The following GPM6B variants were observed in gnomAD, a reference collection of about 807,000 sequenced individuals.
The protein encoded by GPM6B is neuronal membrane glycoprotein M6-b.
In GPM6B, 4 loss-of-function variants were observed where a neutral mutation model predicts 27.2. That is an observed-to-expected ratio of 0.15 (90% CI 0.07 to 0.34). The LOEUF (loss-of-function observed/expected upper bound fraction) is 0.34. Ranked by LOEUF, GPM6B falls within the 10% of genes least tolerant of loss-of-function variation. GPM6B has a pLI of 1.00. For synonymous variants in GPM6B, 124 were observed against 103.1 expected (o/e 1.20, Z -1.23); for missense variants, 183 against 261.9 (o/e 0.70, Z 2.08).
intron 1 of GPM6B, among the ~76,000 whole-genome samples, chrX:13,814,638 T>C (rs952669952): frequency 5.3e-5 from 6 of 112,474 alleles, no homozygotes; most frequent in African/African-American, 9.7e-5. Context: ...TTTTATCCTA[T>C]GTGTACCTTA....
At chrX:13,936,084 G>A (rs1027161142) in intron 1 of GPM6B, among the ~76,000 whole-genome samples, 1 of 111,555 alleles carries the variant, frequency 9.0e-6, no homozygotes, top group Non-Finnish European at 1.9e-5. Flanking sequence ...ATTTCTTTTT[G>A]GGGTTGATGA....
intron 1 of GPM6B, among the ~76,000 whole-genome samples, chrX:13,853,013 G>T (rs2049737554): frequency 9.0e-6 from 1 of 110,525 alleles, no homozygotes; most frequent in Non-Finnish European, 1.9e-5. Flanking sequence ...TCCAGAAGTG[G>T]GAATCCTGGA....
intron 1 of GPM6B, among the ~76,000 whole-genome samples, chrX:13,824,069 T>A (rs1302780659): frequency 8.9e-6 from 1 of 112,048 alleles, no homozygotes; most frequent in East Asian, 2.8e-4. Context: ...TCAGGATTGC[T>A]CCACCTTGGC....
At chrX:13,864,694 G>A (rs1214052216) in intron 1 of GPM6B, among the ~76,000 whole-genome samples, 1 of 111,939 alleles carries the variant, frequency 8.9e-6, no homozygotes, top group Admixed American at 9.4e-5. Context: ...TGGCTTATGG[G>A]CATCACCCTT....
rs1422520504 is a variant in GPM6B at position 13,926,635 on chromosome X, C to G, written c.-198+11692G>C. Among the ~76,000 whole-genome samples, 4 of 111,390 alleles carry G rather than the reference C, an allele frequency of 3.6e-5. No individual in the cohort carries two copies. The East Asian group carries it at 1.1e-3, about 31-fold the overall frequency. ...TACTCACACATATAGTAAGGAAGTA[C>G]AGATATAGATATTATCGGGAGGAAA... On this transcript the variant is annotated intron_variant, in intron 1 of 6. Coordinates refer to the GPM6B transcript ENST00000398361.
intron 1 of GPM6B, among the ~76,000 whole-genome samples, chrX:13,916,463 A>G (rs767803263): frequency 9.9e-5 from 11 of 111,145 alleles, no homozygotes; most frequent in African/African-American, 3.6e-4. Context: ...CTCAAATTTG[A>G]AGTGCGTTGG....
chrX:13,824,690 G>A (rs1315371965), intron 1 of GPM6B, among the ~76,000 whole-genome samples: 2 of 111,860 alleles, frequency 1.8e-5, no homozygotes, highest in African/African-American at 6.5e-5. Flanking sequence ...GGGTATTAAG[G>A]CAAGAGGGAG....
At position 13,785,627 on chromosome X, in the gene GPM6B, G is replaced by A. The variant is rs758450907; in HGVS notation, c.363C>T (p.Ser121=). 1.1e-5 allele frequency: 13 copies of A among 1,210,113 alleles called. No individual in the cohort carries two copies. Among genetic ancestry groups the A allele is most frequent in the Admixed American group, 2.2e-5 (1 of 45,986 alleles). Residue 121 remains serine, a synonymous_variant, in exon 3 of 8, where the codon AGC becomes AGT. Coordinates refer to ENST00000316715, the MANE Select transcript of GPM6B (RefSeq NM_001001995.3). The part of the protein sequence containing the change: ...STNASDHALL[S]EVIQLMQYVI... ...AAAGGGAACCGGATACTTACACCTC[G>A]CTCAGCAAGGCATGGTCACTGGCGT...
At position 13,812,044 on chromosome X, in the gene GPM6B, C is replaced by CTTTTTTTTTTT. The variant is rs752162419; in HGVS notation, c.62-4276_62-4275insAAAAAAAAAAA. Among the ~76,000 whole-genome samples, 113 of 82,619 alleles carry CTTTTTTTTTTT rather than the reference C, an allele frequency of 1.4e-3. 4 individuals carry two copies. The highest frequency in any genetic ancestry group is 3.0e-3 in the East Asian group (7 of 2,316). 71.7% of individuals were successfully genotyped at this position (82,619 alleles called of 115,157 possible). ...TTTCAAAGGAGAACACTTTTCTTTT[C>CTTTTTTTTTTT]TTTCTTTTTTTTTTTTTTTTTTTGA... On this transcript the variant is annotated intron_variant, in intron 1 of 7. Transcript: ENST00000316715.
chrX:13,890,406 T>G (rs2050177875), intron 1 of GPM6B, among the ~76,000 whole-genome samples: 1 of 111,993 alleles, frequency 8.9e-6, no homozygotes, highest in Non-Finnish European at 1.9e-5. Flanking sequence ...TTCACTTTCT[T>G]AATAAACTTG....
intron 1 of GPM6B, among the ~76,000 whole-genome samples, chrX:13,924,392 T>G (rs908243370): frequency 9.0e-6 from 1 of 111,404 alleles, no homozygotes; most frequent in Non-Finnish European, 1.9e-5. Context: ...CTTGATCTAC[T>G]AGGCTCAAGC....
At chrX:13,797,224 GC>G (rs1430705410) in intron 2 of GPM6B, among the ~76,000 whole-genome samples, 1 of 111,584 alleles carries the variant, frequency 9.0e-6, no homozygotes, top group Non-Finnish European at 1.9e-5. Context: ...TGCCCTCCTG[GC>G]TTTGATCCTT....
intron 1 of GPM6B, among the ~76,000 whole-genome samples, chrX:13,838,608 C>G (rs1013274077): frequency 8.9e-6 from 1 of 111,748 alleles, no homozygotes; most frequent in African/African-American, 3.3e-5. Flanking sequence ...TTCAGAGTGT[C>G]AGAGCTCTCC....
At chrX:13,869,616 T>C (rs1425764380) in intron 1 of GPM6B, among the ~76,000 whole-genome samples, 1 of 111,802 alleles carries the variant, frequency 8.9e-6, no homozygotes, top group Non-Finnish European at 1.9e-5. Flanking sequence ...TGGACTTCTT[T>C]ACTCTCCTTC....
intron 1 of GPM6B, among the ~76,000 whole-genome samples, chrX:13,913,372 C>T (rs2050397222): frequency 9.2e-6 from 1 of 109,252 alleles, no homozygotes; most frequent in African/African-American, 3.3e-5. Context: ...CCAGGCTGGT[C>T]GAACTCCTGG....
At chrX:13,773,310 C>CTTT in intron 7 of GPM6B, 2 of 137,889 alleles carry the variant, frequency 1.5e-5, no homozygotes. Flanking sequence ...CGAGAGGGTG[C>CTTT]TTTTTTTTTT....
At chrX:13,828,177 C>A (rs745995683) in intron 1 of GPM6B, among the ~76,000 whole-genome samples, 14 of 111,823 alleles carry the variant, frequency 1.3e-4, no homozygotes, top group African/African-American at 3.6e-4. Flanking sequence ...TGAACGTATC[C>A]CCAAATTTCA....
At chrX:13,857,251 G>C (rs1178037153) in intron 1 of GPM6B, among the ~76,000 whole-genome samples, 1 of 111,583 alleles carries the variant, frequency 9.0e-6, no homozygotes, top group African/African-American at 3.3e-5. Flanking sequence ...CATGGCTTAT[G>C]ACCTGGACAT....
At chrX:13,811,085 C>T (rs1183510378) in intron 1 of GPM6B, among the ~76,000 whole-genome samples, 1 of 111,955 alleles carries the variant, frequency 8.9e-6, no homozygotes, top group Non-Finnish European at 1.9e-5. Flanking sequence ...TTCTGGGCAC[C>T]TGGCAAGAAA....
Sources: allele counts gnomAD v4.1 joint callset (sites outside exome capture counted in the v4.1 genomes callset), GRCh38; gene constraint gnomAD v4.1.1; transcripts MANE v1.5; gene names NCBI Gene and HGNC (gene_info 2026-07-23, HGNC 2026-07-21).